Variants in BMX observed in about 807,000 individuals in gnomAD.
BMX encodes the protein cytoplasmic tyrosine-protein kinase BMX.
A neutral mutation model predicts 59.2 loss-of-function variants in BMX; 31 were observed. The observed-to-expected ratio is 0.52, with a 90% CI of 0.39 to 0.71. The LOEUF is 0.71. Among genes scored for constraint, BMX ranks in the 30% least tolerant of loss-of-function variants. The pLI, the probability that BMX is intolerant of heterozygous loss-of-function variation, is 0.00. For missense variants in BMX, 474 were observed against 491.7 expected, an observed-to-expected ratio of 0.96 and a Z score of 0.34; for synonymous variants, 185 against 181.0, an observed-to-expected ratio of 1.02 and a Z score of -0.18.
chrX:15,549,984 G>C lies in BMX; in HGVS notation c.1940G>C (p.Ser647Thr). Residue 647 changes from serine (S) to threonine (T), a missense_variant, in exon 18 of 19, where the codon AGC becomes ACC. Coordinates refer to ENST00000348343, the MANE Select transcript of BMX (RefSeq NM_203281.3). ...ASDTIYQIMY[S>T]CWHELPEKRP... ...GACACCATCTACCAGATCATGTACAGCTGCTGGCACGAGGCAAGTGTATTC... is the reference window on the plus strand; with the variant it reads ...GACACCATCTACCAGATCATGTACACCTGCTGGCACGAGGCAAGTGTATTC... The C allele has an allele frequency of 8.3e-7, 1 of 1,204,140 alleles. No homozygotes were observed. The highest frequency in any genetic ancestry group is 1.8e-5 in the South Asian group (1 of 55,459).
At chrX:15,520,850 C>T (rs1924412565) in intron 6 of BMX, among the ~76,000 whole-genome samples, 2 of 111,148 alleles carry the variant, frequency 1.8e-5, no homozygotes, top group Admixed American at 9.6e-5. Context: ...TAAGGAACTT[C>T]CTAGTGCATT....
At chrX:15,541,215 G>A (rs1233365890) in intron 14 of BMX, among the ~76,000 whole-genome samples, 4 of 110,925 alleles carry the variant, frequency 3.6e-5, no homozygotes, top group African/African-American at 6.5e-5. Context: ...TCTTCAATTC[G>A]CAAGATTAAA....
intron 6 of BMX, among the ~76,000 whole-genome samples, chrX:15,520,092 C>T (rs1924373020): frequency 1.8e-5 from 2 of 112,041 alleles, no homozygotes; most frequent in African/African-American, 6.5e-5. Flanking sequence ...ATAAGTATGG[C>T]AATGCTGAAA....
chrX:15,526,143 C>T, intron 9 of BMX, 48 bp downstream of exon 9: 4 of 1,067,912 alleles, frequency 3.7e-6, no homozygotes, highest in Non-Finnish European at 3.9e-6. Context: ...GACATAGATA[C>T]TTCTACTCTC....
At position 15,556,085 on chromosome X, in the gene BMX, C is replaced by T. The variant is rs1926422844; in HGVS notation, c.1966C>T (p.Arg656Cys). The T allele has an allele frequency of 2.5e-6, 3 of 1,204,551 alleles. No individual in the cohort carries two copies. The highest frequency in any genetic ancestry group is 3.4e-6 in the Non-Finnish European group (3 of 892,273). Residue 656 changes from arginine to cysteine, a missense_variant, in exon 19 of 19, where the codon CGT (arginine) becomes TGT (cysteine). Coordinates refer to ENST00000348343, the MANE Select transcript of BMX (RefSeq NM_203281.3). ...YSCWHELPEKRPTFQQLLSSI... is the reference protein window; with the variant it reads ...YSCWHELPEKCPTFQQLLSSI... ...TGTTTTTGTTTAGCTTCCAGAAAAG[C>T]GTCCCACATTTCAGCAACTCCTGTC...
chrX:15,531,742 A>T (rs749216766), intron 11 of BMX, among the ~76,000 whole-genome samples: 2 of 111,399 alleles, frequency 1.8e-5, no homozygotes, highest in African/African-American at 6.5e-5. Context: ...TAAGCCTGGA[A>T]AGAAAAAAAA....
At chrX:15,525,057 T>C (rs1924646368) in intron 7 of BMX, among the ~76,000 whole-genome samples, 1 of 112,436 alleles carries the variant, frequency 8.9e-6, no homozygotes, top group African/African-American at 3.2e-5. Context: ...TGAGCCATTA[T>C]TAACAATTTT....
chrX:15,541,334 C>T (rs867612713), intron 14 of BMX, among the ~76,000 whole-genome samples: 5 of 109,626 alleles, frequency 4.6e-5, no homozygotes, highest in East Asian at 2.9e-4. Flanking sequence ...GGAAGAGGTA[C>T]GGTAAAACCA....
intron 18 of BMX, among the ~76,000 whole-genome samples, chrX:15,552,907 CTG>C (rs1212917711): frequency 8.9e-6 from 1 of 112,483 alleles, no homozygotes; most frequent in African/African-American, 3.2e-5. Flanking sequence ...TTACAGTTAA[CTG>C]TTAATGCTGT....
At chrX:15,516,349 C>CA in intron 5 of BMX, 118 bp downstream of exon 5, 2 of 949,282 alleles carry the variant, frequency 2.1e-6, no homozygotes, top group Non-Finnish European at 2.9e-6. Context: ...TGGTTGGCAT[C>CA]ATGAAAATTC....
intron 8 of BMX, among the ~76,000 whole-genome samples, 174 bp from the exon 9 acceptor site, chrX:15,525,866 ACT>A (rs1025139342): frequency 3.6e-5 from 4 of 112,068 alleles, no homozygotes; most frequent in African/African-American, 1.3e-4. Context: ...CTTTTGAGTG[ACT>A]CTCTCTTTAC....
intron 9 of BMX, among the ~76,000 whole-genome samples, chrX:15,527,210 A>C (rs868824562): frequency 4.5e-5 from 4 of 88,328 alleles, no homozygotes; most frequent in African/African-American, 1.9e-4. Context: ...AAAAAAAAAA[A>C]AAAAAAACAA....
chrX:15,542,342 T>G, intron 15 of BMX, 144 bp downstream of exon 15: 1 of 520,158 alleles, frequency 1.9e-6, no homozygotes, highest in Non-Finnish European at 3.2e-6. Flanking sequence ...AAATGACATT[T>G]TTACAAAAAT....
chrX:15,547,341 G>T (rs757460031), intron 17 of BMX, among the ~76,000 whole-genome samples: 144 of 111,865 alleles, frequency 1.3e-3, no homozygotes, highest in African/African-American at 4.5e-3. Context: ...CTGAGTTTTT[G>T]CTGAGCCCCA....
At chrX:15,519,788 T>C (rs989180810) in intron 6 of BMX, among the ~76,000 whole-genome samples, 2 of 111,389 alleles carry the variant, frequency 1.8e-5, no homozygotes, top group African/African-American at 6.5e-5. Context: ...AGAAATTGTA[T>C]GGTGAGAGAG....
chrX:15,537,383 T>C, intron 14 of BMX, 78 bp downstream of exon 14: 1 of 1,074,995 alleles, frequency 9.3e-7, no homozygotes, highest in East Asian at 3.0e-5. Context: ...CTGTTAACTT[T>C]GCAAGGCCTA....
At chrX:15,506,956 T>G (rs1386586332) in intron 1 of BMX, among the ~76,000 whole-genome samples, 1 of 113,222 alleles carries the variant, frequency 8.8e-6, no homozygotes, top group East Asian at 2.7e-4. Context: ...GAGGACATTT[T>G]AGGAATTAAT....
At position 15,546,812 on chromosome X, in the gene BMX, T is replaced by C. The variant is rs1414863787; in HGVS notation, c.1686T>C (p.Leu562=). 2.5e-6 allele frequency: 3 copies of C among 1,208,753 alleles called. No homozygotes were observed. Among genetic ancestry groups the C allele is most frequent in the Non-Finnish European group, 3.4e-6 (3 of 893,095 alleles). Reference sequence around the variant, plus strand: ...GTGTTTTCCCTGGCAGGTATGTTCTTGATGACCAGTATGTCAGTTCAGTCG... The same window carrying C: ...GTGTTTTCCCTGGCAGGTATGTTCTCGATGACCAGTATGTCAGTTCAGTCG... ...VSDFGMTRYV[L]DDQYVSSVGT... The change falls in exon 17 of 19, where the codon CTT becomes CTC. Residue 562 remains leucine (L), a synonymous_variant. Transcript: ENST00000348343.
chrX:15,529,833 T>C, intron 9 of BMX, 140 bp from the exon 10 acceptor site: 1 of 447,620 alleles, frequency 2.2e-6, no homozygotes, highest in Non-Finnish European at 3.8e-6. Flanking sequence ...GAAAAGCTCC[T>C]CAAATCATTC....
Sources: gnomAD v4.1 joint callset for allele counts (sites outside exome capture counted in the v4.1 genomes callset) on GRCh38, gnomAD v4.1.1 for gene constraint, MANE v1.5 for transcripts, NCBI Gene and HGNC (gene_info 2026-07-23, HGNC 2026-07-21) for gene names.